Variants in CPAMD8 observed in about 807,000 individuals in gnomAD.
The protein encoded by CPAMD8 is C3 and PZP like alpha-2-macroglobulin domain containing 8.
In CPAMD8, 146 loss-of-function variants were observed where a neutral mutation model predicts 224.7. The observed-to-expected ratio is 0.65, with a 90% confidence interval of 0.57 to 0.75. CPAMD8 has a LOEUF of 0.75. CPAMD8 is among the 30% of genes least tolerant of loss of function. The probability of loss-of-function intolerance (pLI) is 0.00; values close to 1 mark genes in which losing one functional copy is unlikely to be tolerated. For missense variants in CPAMD8, 2,301 were observed against 2,537.5 expected (o/e 0.91, Z 2.00); for synonymous variants, 966 against 1,044.6 (o/e 0.92, Z 1.45).
intron 19 of CPAMD8, among the ~76,000 whole-genome samples, chr19:16,955,131 C>T (rs1421986568): frequency 6.6e-6 from 1 of 151,224 alleles, no homozygotes; most frequent in African/African-American, 2.4e-5. Context: ...CTGTCTCACA[C>T]ACAAACACAC....
chr19:16,929,314 G>T, intron 23 of CPAMD8, 74 bp from the exon 24 acceptor site: 1 of 1,266,440 alleles, frequency 7.9e-7, no homozygotes, highest in Non-Finnish European at 1.1e-6. Context: ...GGTACCTGGA[G>T]GTGAGCACCA....
chr19:16,902,817 A>T lies in CPAMD8; in HGVS notation c.4517T>A (p.Phe1506Tyr). 1 of 1,566,436 alleles carries T rather than the reference A, an allele frequency of 6.4e-7. No individual in the cohort carries two copies. The highest frequency in any genetic ancestry group is 8.7e-7 in the Non-Finnish European group (1 of 1,153,070). The change falls in exon 35 of 42, where the codon TTC (phenylalanine) becomes TAC (tyrosine). Residue 1506 changes from phenylalanine (F) to tyrosine (Y), a missense_variant. Phe to Tyr is a conservative substitution (Grantham distance 22, BLOSUM62 3). Coordinates refer to ENST00000443236, the MANE Select transcript of CPAMD8 (RefSeq NM_015692.5). ...CTCCTGGAGGCTTACGAGCAGCTGGAAAGCTGGCTTGGCCACCGGGTCAGG... is the reference window on the plus strand; with the variant it reads ...CTCCTGGAGGCTTACGAGCAGCTGGTAAGCTGGCTTGGCCACCGGGTCAGG... ...NVPDPVAKPA[F>Y]QLLVSLQEPE...
Position 16,971,006 on chromosome 19 carries a change from G to C in CPAMD8, c.2098C>G (p.Arg700Gly), listed in dbSNP as rs761696140. ...TCCTGCCGGTGGTTCAGGCTCACTC[G>C]GTCGGTCATCACCACCAGTCCCGTT... ...TETGLVVMTD[R>G]VSLNHRQDGG... The change falls in exon 18 of 42, where the codon CGA becomes GGA. Residue 700 changes from arginine (R) to glycine (G), a missense_variant. By Grantham distance (125) the Arg-to-Gly change is moderately radical. Coordinates refer to ENST00000443236, the MANE Select transcript of CPAMD8 (RefSeq NM_015692.5). The C allele has an allele frequency of 1.9e-6, 3 of 1,610,900 alleles. No individual in the cohort carries two copies. Among genetic ancestry groups the C allele is most frequent in the Admixed American group, 1.7e-5 (1 of 59,324 alleles).
intron 3 of CPAMD8, among the ~76,000 whole-genome samples, chr19:17,019,549 ATT>A (rs1053889673): frequency 1.3e-5 from 2 of 149,470 alleles, no homozygotes; most frequent in African/African-American, 4.9e-5. Flanking sequence ...CCTTTTCTAA[ATT>A]TCATTATTCT....
At chr19:16,927,842 A>G (rs536545424) in intron 25 of CPAMD8, among the ~76,000 whole-genome samples, 167 bp downstream of exon 25, 1 of 152,288 alleles carries the variant, frequency 6.6e-6, no homozygotes, top group Admixed American at 6.5e-5. Flanking sequence ...CAGCACATGG[A>G]TGGGCATAGA....
chr19:17,011,134 G>A (rs12971743), intron 5 of CPAMD8, among the ~76,000 whole-genome samples: 26,885 of 151,990 alleles, frequency 0.18, 2,735 homozygotes, highest in African/African-American at 0.27. Context: ...AGCAGAGGTT[G>A]TAGTGAGCCG....
intron 30 of CPAMD8, 25 bp from the exon 31 acceptor site, chr19:16,904,577 G>C (rs773193070): frequency 6.7e-7 from 1 of 1,501,616 alleles, no homozygotes; most frequent in South Asian, 1.1e-5. Context: ...GTGGTCAAGA[G>C]CTATAACCCA....
chr19:16,920,926 T>A (rs956845397), intron 27 of CPAMD8, among the ~76,000 whole-genome samples: 1 of 150,064 alleles, frequency 6.7e-6, no homozygotes, highest in Admixed American at 6.6e-5. Context: ...GGAGGCCTCC[T>A]AGGGGCTGCT....
chr19:16,975,035 C>T, intron 17 of CPAMD8, 62 bp downstream of exon 17: 1 of 1,552,370 alleles, frequency 6.4e-7, no homozygotes, highest in Non-Finnish European at 8.7e-7. Context: ...CTCCAAGACT[C>T]TTATTTCTAG....
At chr19:17,005,579 G>T (rs775649811) in intron 7 of CPAMD8, among the ~76,000 whole-genome samples, 13 of 152,106 alleles carry the variant, frequency 8.5e-5, no homozygotes, top group Non-Finnish European at 1.3e-4. Context: ...GTTGGAAAGG[G>T]CACATTGACT....
chr19:16,961,656 C>T (rs1329641984), intron 18 of CPAMD8, among the ~76,000 whole-genome samples: 1 of 152,248 alleles, frequency 6.6e-6, no homozygotes, highest in Non-Finnish European at 1.5e-5. Context: ...GCTCTGAAGA[C>T]AGCAGTCATT....
intron 27 of CPAMD8, among the ~76,000 whole-genome samples, chr19:16,918,901 G>A (rs1245865317): frequency 6.6e-6 from 1 of 152,042 alleles, no homozygotes; most frequent in African/African-American, 2.4e-5. Flanking sequence ...GCATGAGGTT[G>A]GCACTAAAAG....
intron 3 of CPAMD8, among the ~76,000 whole-genome samples, chr19:17,012,799 G>C (rs906959929): frequency 2.6e-5 from 4 of 152,214 alleles, no homozygotes; most frequent in Non-Finnish European, 4.4e-5. Context: ...CCTGTGAGCG[G>C]TGGAAGGAGA....
intron 18 of CPAMD8, among the ~76,000 whole-genome samples, chr19:16,968,438 A>G (rs1388950078): frequency 1.3e-5 from 2 of 152,116 alleles, no homozygotes; most frequent in Non-Finnish European, 2.9e-5. Context: ...TTCCATGGAC[A>G]GGCTCATCAG....
chr19:17,006,715 C>T (rs1188397315), intron 7 of CPAMD8, among the ~76,000 whole-genome samples: 1 of 152,002 alleles, frequency 6.6e-6, no homozygotes, highest in African/African-American at 2.4e-5. Context: ...TTCCTGGCCC[C>T]CTTGCTTTGC....
intron 18 of CPAMD8, among the ~76,000 whole-genome samples, chr19:16,964,285 A>C (rs887928881): frequency 6.6e-6 from 1 of 152,198 alleles, no homozygotes; most frequent in Non-Finnish European, 1.5e-5. Flanking sequence ...AAATTGATAG[A>C]CCACTAGCAA....
chr19:16,975,142 G>T lies in CPAMD8; in HGVS notation c.2025C>A (p.Phe675Leu). The change falls in exon 17 of 42, where the codon TTC becomes TTA. Residue 675 changes from phenylalanine (F) to leucine (L), a missense_variant. Coordinates refer to ENST00000443236, the MANE Select transcript of CPAMD8 (RefSeq NM_015692.5). ...CCTTGGTGATGCCCCAAGGCCACGGGAAGACAGAGGAGCGCCGGCGTCGTT... is the reference window on the plus strand; with the variant it reads ...CCTTGGTGATGCCCCAAGGCCACGGTAAGACAGAGGAGCGCCGGCGTCGTT... ...TAQRRRRSSV[F>L]PWPWGITKDS... The T allele has an allele frequency of 6.2e-7, 1 of 1,613,084 alleles. No homozygotes were observed. Among genetic ancestry groups the T allele is most frequent in the Non-Finnish European group, 8.5e-7 (1 of 1,179,714 alleles).
intron 2 of CPAMD8, among the ~76,000 whole-genome samples, chr19:17,021,059 C>T (rs377100899): frequency 7.6e-4 from 115 of 152,278 alleles, no homozygotes; most frequent in African/African-American, 2.6e-3. Context: ...AGGCCTTCCC[C>T]TCTGGTCATA....
At chr19:17,002,563 C>T (rs1463664808) in intron 8 of CPAMD8, 7 of 461,410 alleles carry the variant, frequency 1.5e-5, no homozygotes, top group Non-Finnish European at 2.3e-5. Flanking sequence ...CCATTTTCCT[C>T]AAGGGGCCTC....
Sources: gnomAD v4.1 joint callset for allele counts (sites outside exome capture counted in the v4.1 genomes callset) on GRCh38, gnomAD v4.1.1 for gene constraint, MANE v1.5 for transcripts, NCBI Gene and HGNC (gene_info 2026-07-23, HGNC 2026-07-21) for gene names.